DOCK5: variants seen among roughly 807,000 people sequenced by gnomAD.
DOCK5 encodes the protein dedicator of cytokinesis 5, also known as dedicator of cytokinesis protein 5.
A neutral mutation model predicts 251.8 loss-of-function variants in DOCK5; 142 were observed. The observed-to-expected ratio is 0.56, with a 90% CI of 0.49 to 0.65. The LOEUF (loss-of-function observed/expected upper bound fraction) is 0.65, where lower values mean the gene tolerates loss of function less well. Among genes scored for constraint, DOCK5 ranks in the 30% least tolerant of loss-of-function variants. The pLI, the probability that DOCK5 is intolerant of heterozygous loss-of-function variation, is 0.00. For missense variants in DOCK5, 2,111 were observed against 2,312.3 expected (o/e 0.91, Z 1.79); for synonymous variants, 842 against 835.5 (o/e 1.01, Z -0.13).
chr8:25,409,948 GTCT>G, intron 50 of DOCK5, 148 bp from the exon 51 acceptor site: 4 of 634,406 alleles, frequency 6.3e-6, no homozygotes, highest in Non-Finnish European at 8.3e-6. Context: ...GGGGTAAGAA[GTCT>G]TCTTCGTTCT....
At chr8:25,190,775 G>GATTTTTTTTTTTTTTTTTTTTTTTTTTTT (rs755511798) in intron 1 of DOCK5, among the ~76,000 whole-genome samples, 4 of 53,980 alleles carry the variant, frequency 7.4e-5, no homozygotes, top group Admixed American at 3.6e-4. Flanking sequence ...CTTGGTCATG[G>GATTTTTTTTTTTTTTTTTTTTTTTTTTTT]GTTTTTTTTT....
chr8:25,189,042 CTTTCTTTTT>C (rs1347757019), intron 1 of DOCK5, among the ~76,000 whole-genome samples: 24 of 97,620 alleles, frequency 2.5e-4, no homozygotes, highest in African/African-American at 4.4e-4. Flanking sequence ...TTCTTTCTTT[CTTTCTTTTT>C]TTTTTTTTTT....
intron 30 of DOCK5, 170 bp downstream of exon 30, chr8:25,364,874 A>G: frequency 1.9e-6 from 1 of 514,042 alleles, no homozygotes; most frequent in Non-Finnish European, 3.5e-6. Flanking sequence ...CTCCAAACAC[A>G]ACAAAATAGG....
At chr8:25,313,837 C>G (rs550903974) in intron 13 of DOCK5, among the ~76,000 whole-genome samples, 2 of 152,180 alleles carry the variant, frequency 1.3e-5, no homozygotes, top group Non-Finnish European at 2.9e-5. Context: ...CCTCATTTTA[C>G]CTTACTTACT....
At chr8:25,366,121 G>A (rs1012887585) in intron 30 of DOCK5, among the ~76,000 whole-genome samples, 14 of 151,916 alleles carry the variant, frequency 9.2e-5, no homozygotes, top group African/African-American at 2.9e-4. Context: ...TTCTTCTTAC[G>A]AACATTTAGA....
At chr8:25,223,909 C>T (rs991194259) in intron 1 of DOCK5, among the ~76,000 whole-genome samples, 63 of 152,116 alleles carry the variant, frequency 4.1e-4, no homozygotes, top group African/African-American at 1.5e-3. Flanking sequence ...AGACAGTTTC[C>T]CTGACCATGC....
intron 18 of DOCK5, among the ~76,000 whole-genome samples, chr8:25,328,577 G>A (rs141375020): frequency 4.9e-4 from 75 of 152,296 alleles, no homozygotes; most frequent in African/African-American, 1.7e-3. Context: ...GGGTAGCAGT[G>A]TTCTCACTGA....
chr8:25,392,127 C>A (rs1801270348), intron 43 of DOCK5, 147 bp downstream of exon 43: 6 of 736,684 alleles, frequency 8.1e-6, no homozygotes, highest in Non-Finnish European at 1.1e-5. Flanking sequence ...TACGGTGAAA[C>A]CCCATCGGTA....
At chr8:25,196,307 G>T (rs759545702) in intron 1 of DOCK5, among the ~76,000 whole-genome samples, 36 of 152,182 alleles carry the variant, frequency 2.4e-4, no homozygotes, top group Non-Finnish European at 5.3e-4. Flanking sequence ...ATTGGTTGGT[G>T]CTGTGTTGAG....
chr8:25,243,680 A>G lies in DOCK5; in HGVS notation c.50A>G (p.Tyr17Cys), dbSNP rs938252495. The G allele has an allele frequency of 1.9e-5, 31 of 1,613,224 alleles. No individual in the cohort carries two copies. Among genetic ancestry groups the G allele is most frequent in the South Asian group, 5.5e-5 (5 of 91,010 alleles). Residue 17 changes from tyrosine (Y) to cysteine (C), a missense_variant, in exon 2 of 52, where the codon TAT becomes TGT. Tyr to Cys is a radical substitution (Grantham distance 194, BLOSUM62 -2). This residue lies in a region of DOCK5 where 335 missense variants were observed against 324.9 expected (regional missense o/e 1.03). Transcript: ENST00000276440. Reference sequence around the variant, plus strand: ...TTTTATTTCTCATTTCCAGCGATCTATAACTACAATGCTTCTCAAGATGTG... The same window carrying G: ...TTTTATTTCTCATTTCCAGCGATCTGTAACTACAATGCTTCTCAAGATGTG... ...TKRQKYGVAI[Y>C]NYNASQDVEL...
intron 5 of DOCK5, among the ~76,000 whole-genome samples, chr8:25,279,781 ATT>A (rs59363613): frequency 2.8e-5 from 4 of 143,512 alleles, no homozygotes; most frequent in African/African-American, 2.6e-5. Flanking sequence ...CGCCTGGCTA[ATT>A]TTTTTTTTTT....
At chr8:25,390,945 A>G (rs1439577325) in intron 42 of DOCK5, among the ~76,000 whole-genome samples, 2 of 151,980 alleles carry the variant, frequency 1.3e-5, no homozygotes, top group Admixed American at 6.6e-5. Context: ...AGTAGCTGGG[A>G]TTACAGGTAC....
chr8:25,306,093 T>A (rs957552205), intron 11 of DOCK5, among the ~76,000 whole-genome samples: 3 of 152,170 alleles, frequency 2.0e-5, no homozygotes, highest in Non-Finnish European at 4.4e-5. Flanking sequence ...ATTATTTTTT[T>A]AAAATATGGC....
chr8:25,376,616 A>C (rs1204785320), intron 37 of DOCK5: 1 of 157,092 alleles, frequency 6.4e-6, no homozygotes. Flanking sequence ...AAATTAATTT[A>C]GTGAGAATTT....
At chr8:25,299,429 G>A (rs1173376635) in intron 8 of DOCK5, 6 of 238,218 alleles carry the variant, frequency 2.5e-5, no homozygotes, top group Non-Finnish European at 8.1e-6. Context: ...TTAGAGCAAC[G>A]GCAGTATTCT....
rs938684016 is a variant in DOCK5, at chr8:25,212,332, T to A, written c.43+27381T>A. On this transcript the variant is annotated intron_variant, in intron 1 of 51. Coordinates refer to ENST00000276440, the MANE Select transcript of DOCK5 (RefSeq NM_024940.8). ...ATAGCCTTGTTCAGGAAACATTTTG[T>A]TCTTGACTTTGGCTTGTGTTTGATA... 2.8e-5 allele frequency among the ~76,000 whole-genome samples: 2 copies of A among 70,704 alleles called. 1 individual carries two copies. Among genetic ancestry groups the A allele is most frequent in the East Asian group, 6.2e-4 (2 of 3,212 alleles). The allele number at this position is 70,704 out of a possible 152,430, so 46.4% of individuals were successfully genotyped here.
At position 25,327,883 on chromosome 8, in the gene DOCK5, G is replaced by A. The variant is rs184316748; in HGVS notation, c.1903+2336G>A. On this transcript the variant is annotated intron_variant, in intron 18 of 51. Coordinates refer to ENST00000276440, the MANE Select transcript of DOCK5 (RefSeq NM_024940.8). ...AAATTGGTAAGAGAGTAGATTTTAAGTGTTCTCACCACCAAACAATAAGTG... is the reference window on the plus strand; with the variant it reads ...AAATTGGTAAGAGAGTAGATTTTAAATGTTCTCACCACCAAACAATAAGTG... 5.5e-3 allele frequency among the ~76,000 whole-genome samples: 843 copies of A among 152,134 alleles called. 4 individuals carry two copies. The highest frequency in any genetic ancestry group is 0.012 in the African/African-American group (486 of 41,478).
intron 1 of DOCK5, among the ~76,000 whole-genome samples, chr8:25,241,177 G>T (rs35459983): frequency 1.3e-5 from 2 of 152,092 alleles, no homozygotes; most frequent in Admixed American, 1.3e-4. Flanking sequence ...TTAGAATGGC[G>T]ATCGTTAAAA....
rs1563192079 is a variant in DOCK5, at chr8:25,296,548, A to G, written c.506A>G (p.Asn169Ser). The G allele has an allele frequency of 3.7e-6, 6 of 1,611,504 alleles. No homozygotes were observed. Among genetic ancestry groups the G allele is most frequent in the Non-Finnish European group, 5.1e-6 (6 of 1,178,944 alleles). The change falls in exon 7 of 52, where the codon AAT (asparagine) becomes AGT (serine). Residue 169 changes from asparagine to serine, a missense_variant. Physicochemically the swap from Asn to Ser is conservative, Grantham distance 46. Around this residue, in one of 3 missense-constraint regions of DOCK5, gnomAD observed 335 missense variants for 324.9 expected, o/e 1.03. Transcript: ENST00000276440. The part of the protein sequence containing the change: ...LGLDLVVRDD[N>S]GNILDPDETS... Reference sequence around the variant, plus strand: ...TTAGATCTGGTGGTGCGAGATGACAATGGGAACATCCTAGACCCTGACGAA... The same window carrying G: ...TTAGATCTGGTGGTGCGAGATGACAGTGGGAACATCCTAGACCCTGACGAA...
Sources: gnomAD v4.1 joint callset for allele counts (sites outside exome capture counted in the v4.1 genomes callset) on GRCh38, gnomAD v4.1.1 for gene constraint, gnomAD v4.1.1 regional missense constraint, MANE v1.5 for transcripts, NCBI Gene and HGNC (gene_info 2026-07-23, HGNC 2026-07-21) for gene names.